Variants in SIDT1 observed in about 807,000 individuals in gnomAD.
SIDT1 encodes SID1 transmembrane family, member 1.
Under a neutral mutation model 107.5 loss-of-function variants are expected in SIDT1, and 101 were observed. The observed-to-expected ratio is 0.94, with a 90% CI of 0.80 to 1.11. SIDT1 has a LOEUF of 1.11. Ranked by LOEUF, SIDT1 falls within the 50% of genes least tolerant of loss-of-function variation. The pLI is 0.00. For synonymous variants in SIDT1, 395 were observed against 398.2 expected, an observed-to-expected ratio of 0.99 and a Z score of 0.10; for missense variants, 1,076 against 1,058.2, an observed-to-expected ratio of 1.02 and a Z score of -0.23.
At chr3:113,555,836 C>T (rs559647965) in intron 1 of SIDT1, among the ~76,000 whole-genome samples, 23 of 142,608 alleles carry the variant, frequency 1.6e-4, no homozygotes, top group Non-Finnish European at 1.8e-4. Context: ...CTACATAAGA[C>T]GGACTATATA....
chr3:113,533,295 G>A (rs776280093), intron 1 of SIDT1, 52 bp downstream of exon 1: 2 of 1,316,354 alleles, frequency 1.5e-6, no homozygotes. Flanking sequence ...AGATCTCAGA[G>A]CCCCGTCGCT....
chr3:113,541,894 T>C lies in SIDT1; in HGVS notation c.222+8651T>C, dbSNP rs530242795. Among the ~76,000 whole-genome samples, 80 of 151,662 alleles carry C rather than the reference T, an allele frequency of 5.3e-4. 1 individual carries two copies. Among genetic ancestry groups the C allele is most frequent in the African/African-American group, 1.8e-3 (76 of 41,326 alleles). Reference sequence around the variant, plus strand: ...TAAAATCCAGTAGTTTTACCAGACTTTATCTAGTAGGTCAATTTTTCTTTT... The same window carrying C: ...TAAAATCCAGTAGTTTTACCAGACTCTATCTAGTAGGTCAATTTTTCTTTT... On this transcript the variant is annotated intron_variant, in intron 1 of 24. Transcript: ENST00000264852.
At chr3:113,586,586 G>C (rs180768941) in intron 9 of SIDT1, among the ~76,000 whole-genome samples, 4 of 152,280 alleles carry the variant, frequency 2.6e-5, no homozygotes, top group Admixed American at 2.6e-4. Context: ...TGAGGATGAA[G>C]ATGTGTGCAT....
rs774194610 is a variant in SIDT1 at position 113,623,658 on chromosome 3, C to G, written c.2232C>G (p.Leu744=). ...CTGAAAAGGTCCTCCCAGTCCCGCT[C>G]TTCTGCATCGTGGCCACCGCTGTGA... ...RSSEKVLPVP[L]FCIVATAVMW... The change falls in exon 23 of 25, where the codon CTC becomes CTG. Residue 744 remains leucine, a synonymous_variant. Coordinates refer to ENST00000264852, the MANE Select transcript of SIDT1 (RefSeq NM_017699.3). 1.6e-5 allele frequency: 26 copies of G among 1,614,150 alleles called. 1 individual carries two copies. In the South Asian group the frequency reaches 2.3e-4, roughly 14 times the overall value.
At chr3:113,601,347 C>G (rs1944944788) in intron 10 of SIDT1, 1 of 374,202 alleles carries the variant, frequency 2.7e-6, no homozygotes, top group Admixed American at 4.5e-5. Context: ...CATTATTCTT[C>G]TTTGGATTTT....
intron 1 of SIDT1, among the ~76,000 whole-genome samples, chr3:113,559,820 T>C (rs1941257465): frequency 6.6e-6 from 1 of 152,144 alleles, no homozygotes; most frequent in Non-Finnish European, 1.5e-5. Flanking sequence ...TAAGGGTCCT[T>C]ATATATTCAA....
chr3:113,573,930 C>G (rs1284465009), intron 3 of SIDT1, among the ~76,000 whole-genome samples: 1 of 152,022 alleles, frequency 6.6e-6, no homozygotes, highest in African/African-American at 2.4e-5. Context: ...ATTTCAAGGG[C>G]GTGGTGGAGA....
chr3:113,602,964 C>G (rs766730779), intron 11 of SIDT1, 41 bp from the exon 12 acceptor site: 9 of 1,607,486 alleles, frequency 5.6e-6, no homozygotes, highest in South Asian at 4.4e-5. Context: ...TCCGTAGGCT[C>G]TCCACGGCTT....
chr3:113,619,145 C>A (rs1026862899), intron 20 of SIDT1, among the ~76,000 whole-genome samples: 12 of 152,130 alleles, frequency 7.9e-5, no homozygotes, highest in South Asian at 2.1e-4. Context: ...TAAAATTGAC[C>A]TTTTCTCCCT....
intron 1 of SIDT1, among the ~76,000 whole-genome samples, chr3:113,556,435 T>C (rs1227945139): frequency 2.7e-5 from 4 of 150,874 alleles, no homozygotes; most frequent in African/African-American, 5.0e-5. Flanking sequence ...GCTGCTTTGC[T>C]CAGGGGCAGC....
downstream of SIDT1, among the ~76,000 whole-genome samples, chr3:113,630,229 A>G (rs1029061736): frequency 6.6e-6 from 1 of 152,240 alleles, no homozygotes; most frequent in Non-Finnish European, 1.5e-5. Flanking sequence ...AGAGCAGTTC[A>G]GCTGGAGCAG....
intron 1 of SIDT1, among the ~76,000 whole-genome samples, chr3:113,557,606 G>T (rs776035847): frequency 5.3e-5 from 8 of 152,180 alleles, no homozygotes; most frequent in Non-Finnish European, 1.2e-4. Context: ...GAATGCCAAG[G>T]GTTCATGGAC....
At chr3:113,587,097 G>C (rs1045770330) in intron 9 of SIDT1, among the ~76,000 whole-genome samples, 1 of 152,146 alleles carries the variant, frequency 6.6e-6, no homozygotes, top group African/African-American at 2.4e-5. Context: ...TTATGTAAGA[G>C]AATTTTTTTT....
chr3:113,578,340 G>A (rs1218016892), intron 4 of SIDT1, among the ~76,000 whole-genome samples: 1 of 151,978 alleles, frequency 6.6e-6, no homozygotes, highest in Non-Finnish European at 1.5e-5. Flanking sequence ...GGTGGCGGGC[G>A]CCTGTGGTCC....
intron 10 of SIDT1, among the ~76,000 whole-genome samples, chr3:113,597,045 T>A (rs13080254): frequency 0.075 from 11,474 of 152,248 alleles, 630 homozygotes; most frequent in Middle Eastern, 0.22. Context: ...TAGTCCTAGA[T>A]CTCTACTCTT....
intron 9 of SIDT1, among the ~76,000 whole-genome samples, chr3:113,585,705 G>A (rs998153987): frequency 1.3e-5 from 2 of 152,152 alleles, no homozygotes; most frequent in Non-Finnish European, 2.9e-5. Context: ...ATCTTGAGGT[G>A]CAACAAAGAG....
Position 113,627,703 on chromosome 3 carries a change from T to C in SIDT1, c.2479T>C (p.Phe827Leu). Reference protein sequence around the residue: ...DVVRRDQIPVF With the variant: ...DVVRRDQIPVL ...GGTTCGGAGAGACCAGATCCCTGTC[T>C]TCTGAACCTCCAACATTAAGAGAGG... is the stretch of plus-strand genomic sequence containing the variant. Residue 827 changes from phenylalanine to leucine, a missense_variant, in exon 25 of 25, where the codon TTC becomes CTC. Physicochemically the swap from Phe to Leu is conservative, Grantham distance 22. Coordinates refer to ENST00000264852, the MANE Select transcript of SIDT1 (RefSeq NM_017699.3). 1.2e-6 allele frequency: 2 copies of C among 1,613,574 alleles called. No homozygotes were observed. Among genetic ancestry groups the C allele is most frequent in the Non-Finnish European group, 1.7e-6 (2 of 1,179,992 alleles).
In SIDT1 at chr3:113,607,154, A is replaced by G. The variant is rs745383841; in HGVS notation, c.1478+40A>G. ...CTGGTTGCCCATGAGGCATTTAGAG[A>G]TGCCTTTCTGTCTAATGTTGTGATT... On this transcript the variant is annotated intron_variant, in intron 15 of 24. Coordinates refer to ENST00000264852, the MANE Select transcript of SIDT1 (RefSeq NM_017699.3). 2.6e-4 allele frequency: 328 copies of G among 1,249,818 alleles called. 1 individual carries two copies. The highest frequency in any genetic ancestry group is 1.7e-4 in the Non-Finnish European group (143 of 861,496). The allele number at this position is 1,249,818 out of a possible 1,614,324, so 77.4% of individuals were successfully genotyped here.
At chr3:113,623,574 C>T (rs1222119150) in intron 22 of SIDT1, 42 bp downstream of exon 22, 3 of 1,597,292 alleles carry the variant, frequency 1.9e-6, no homozygotes, top group Non-Finnish European at 2.6e-6. Flanking sequence ...GGCCCTCGGG[C>T]AGGCGAAGGC....
Sources: allele counts gnomAD v4.1 joint callset (sites outside exome capture counted in the v4.1 genomes callset), GRCh38; gene constraint gnomAD v4.1.1; transcripts MANE v1.5; gene names NCBI Gene and HGNC (gene_info 2026-07-23, HGNC 2026-07-21).